Variants in RASAL1 observed in about 807,000 individuals in gnomAD.
RASAL1 encodes RAS protein activator like 1, also known as rasGAP-activating-like protein 1.
RASAL1 carries 72 observed loss-of-function variants against 96.6 expected under a neutral mutation model. The observed-to-expected ratio is 0.75, with a 90% CI of 0.62 to 0.91. The LOEUF is 0.91. Among genes scored for constraint, RASAL1 ranks in the 40% least tolerant of loss-of-function variants. The pLI, the probability that RASAL1 is intolerant of heterozygous loss-of-function variation, is 0.00. For missense variants in RASAL1, 1,016 were observed against 1,072.5 expected (o/e 0.95, Z 0.74); for synonymous variants, 405 against 430.4 (o/e 0.94, Z 0.73).
chr12:113,130,999 G>T lies in RASAL1; in HGVS notation c.66-58C>A. On this transcript the variant is annotated intron_variant, in intron 1 of 20. Coordinates refer to ENST00000548055, the MANE Select transcript of RASAL1 (RefSeq NM_001301202.2). This position sits in a 1 kb window ranked among gnomAD's most constrained non-coding sequence, Gnocchi z 5.1. Reference sequence around the variant, plus strand: ...GTTGAGAGGGCAGCCATGAGTGGAGGGTCCCAGTCATGACACAGGCAGGGG... The same window carrying T: ...GTTGAGAGGGCAGCCATGAGTGGAGTGTCCCAGTCATGACACAGGCAGGGG... The T allele has an allele frequency of 7.3e-7, 1 of 1,367,870 alleles. No individual in the cohort carries two copies. Among genetic ancestry groups the T allele is most frequent in the Non-Finnish European group, 1.0e-6 (1 of 964,510 alleles). 84.7% of individuals were successfully genotyped at this position (1,367,870 alleles called of 1,614,324 possible). A position where few individuals can be genotyped will look rare whatever the true frequency, so the allele number is the denominator to read the frequency against.
intron 4 of RASAL1, among the ~76,000 whole-genome samples, chr12:113,126,350 C>T (rs904973472): frequency 1.3e-5 from 2 of 151,920 alleles, no homozygotes; most frequent in Admixed American, 1.3e-4. Flanking sequence ...GTGTAAAAGG[C>T]TGCAATTTGT....
chr12:113,110,012 G>T (rs1950811185), intron 13 of RASAL1, among the ~76,000 whole-genome samples: 1 of 152,214 alleles, frequency 6.6e-6, no homozygotes, highest in Non-Finnish European at 1.5e-5. Flanking sequence ...GGACACTTGG[G>T]TGTCACTGAT....
chr12:113,108,012 T>C, intron 14 of RASAL1, 73 bp downstream of exon 14: 1 of 1,512,628 alleles, frequency 6.6e-7, no homozygotes, highest in Non-Finnish European at 8.8e-7. Context: ...GGGTCTGGCC[T>C]CCCAGCTCTG....
At chr12:113,104,335 G>A in intron 16 of RASAL1, 37 bp from the exon 17 acceptor site, 4 of 1,532,778 alleles carry the variant, frequency 2.6e-6, no homozygotes, top group Non-Finnish European at 3.5e-6. Flanking sequence ...ATGGGCTGGG[G>A]GCTAGGGCCG....
chr12:113,117,268 G>C (rs1435744439), intron 7 of RASAL1, 107 bp from the exon 8 acceptor site: 15 of 763,240 alleles, frequency 2.0e-5, no homozygotes, highest in Non-Finnish European at 2.9e-5. Flanking sequence ...CCCACAGAGG[G>C]GCAGAATGGC....
Position 113,110,744 on chromosome 12 carries a change from C to T in RASAL1, c.1374+1342G>A, listed in dbSNP as rs1189117555. Reference sequence around the variant, plus strand: ...AGACCCTCTGGGCAACACAGTGAGACCCTGTCTCTAGAAAAATAAATAATT... The same window carrying T: ...AGACCCTCTGGGCAACACAGTGAGATCCTGTCTCTAGAAAAATAAATAATT... On this transcript the variant is annotated intron_variant, in intron 13 of 20. Coordinates refer to ENST00000548055, the MANE Select transcript of RASAL1 (RefSeq NM_001301202.2). 2.0e-4 allele frequency among the ~76,000 whole-genome samples: 30 copies of T among 152,038 alleles called. 1 individual carries two copies. The highest frequency in any genetic ancestry group is 2.0e-3 in the Admixed American group (30 of 15,244).
In RASAL1 at chr12:113,108,183, G is replaced by T. The variant is rs145374624; in HGVS notation, c.1414C>A (p.Arg472=). 2.5e-6 allele frequency: 4 copies of T among 1,613,244 alleles called. No individual in the cohort carries two copies. The highest frequency in any genetic ancestry group is 3.4e-6 in the Non-Finnish European group (4 of 1,179,670). Residue 472 remains arginine (R), a synonymous_variant, in exon 14 of 21, where the codon CGA becomes AGA. Transcript: ENST00000548055. The part of the protein sequence containing the change: ...YLAISGFLFL[R]FFAPAILTPK... The stretch of plus-strand genomic sequence containing the variant: ...GTAAGGATGGCAGGTGCGAAGAATC[G>T]CAAGAAGAGAAATCCACTGATGGCC...
chr12:113,121,285 G>A (rs373404308), intron 5 of RASAL1, among the ~76,000 whole-genome samples: 1 of 152,220 alleles, frequency 6.6e-6, no homozygotes, highest in Admixed American at 6.5e-5. Flanking sequence ...GTCATCCTGA[G>A]TGTCTGGTCT....
intron 4 of RASAL1, among the ~76,000 whole-genome samples, chr12:113,123,071 A>G (rs189519275): frequency 5.1e-4 from 78 of 152,256 alleles, no homozygotes; most frequent in Non-Finnish European, 1.0e-3. Flanking sequence ...AATTATACTT[A>G]CCTCTAAAAG....
intron 16 of RASAL1, 26 bp downstream of exon 16, chr12:113,105,688 C>T (rs1311784804): frequency 6.4e-7 from 1 of 1,567,196 alleles, no homozygotes. Flanking sequence ...CCCTGGAAAG[C>T]CCTCCATAGT....
chr12:113,109,363 T>C (rs1038881293), intron 13 of RASAL1, among the ~76,000 whole-genome samples: 1 of 152,206 alleles, frequency 6.6e-6, no homozygotes, highest in African/African-American at 2.4e-5. Context: ...GGCTCAGTAG[T>C]GAACCCAGTC....
chr12:113,103,911 G>T, intron 18 of RASAL1, 35 bp downstream of exon 18: 4 of 1,543,560 alleles, frequency 2.6e-6, no homozygotes, highest in Non-Finnish European at 3.5e-6. Flanking sequence ...GACGGGTGGG[G>T]AGGGCGGAGC....
chr12:113,122,441 A>G (rs1297927546), intron 4 of RASAL1, among the ~76,000 whole-genome samples: 3 of 152,184 alleles, frequency 2.0e-5, no homozygotes, highest in Non-Finnish European at 4.4e-5. Flanking sequence ...CTCCTGCCTC[A>G]GCCTCCCCAG....
chr12:113,123,994 C>G (rs1951392861), intron 4 of RASAL1, among the ~76,000 whole-genome samples: 1 of 151,902 alleles, frequency 6.6e-6, no homozygotes, highest in African/African-American at 2.4e-5. Flanking sequence ...CCAAGGTGAG[C>G]TGATCACCTG....
At chr12:113,127,733 C>A in intron 4 of RASAL1, 79 bp downstream of exon 4, 1 of 1,222,016 alleles carries the variant, frequency 8.2e-7, no homozygotes, top group Non-Finnish European at 1.2e-6. Context: ...CTGTGCTTCA[C>A]CGTGCCATGT....
At chr12:113,124,659 C>A (rs1951418212) in intron 4 of RASAL1, among the ~76,000 whole-genome samples, 1 of 152,180 alleles carries the variant, frequency 6.6e-6, no homozygotes, top group African/African-American at 2.4e-5. Context: ...GGGAAGTCAC[C>A]TCCCCTCTCT....
At chr12:113,119,823 C>T (rs926206739) in intron 5 of RASAL1, among the ~76,000 whole-genome samples, 11 of 152,260 alleles carry the variant, frequency 7.2e-5, no homozygotes, top group African/African-American at 9.6e-5. Flanking sequence ...CATTGGCTAG[C>T]GGACACTAGG....
At chr12:113,104,403 G>A in intron 16 of RASAL1, 105 bp from the exon 17 acceptor site, 1 of 1,185,186 alleles carries the variant, frequency 8.4e-7, no homozygotes, top group African/African-American at 1.5e-5. Context: ...TCCCAGCGGC[G>A]GGACATTCAA....
At chr12:113,108,562 A>C (rs905038283) in intron 13 of RASAL1, among the ~76,000 whole-genome samples, 1 of 152,224 alleles carries the variant, frequency 6.6e-6, no homozygotes, top group South Asian at 2.1e-4. Flanking sequence ...AGAGACATCA[A>C]GCGATTTGCC....
Sources: allele counts gnomAD v4.1 joint callset (sites outside exome capture counted in the v4.1 genomes callset), GRCh38; gene constraint gnomAD v4.1.1; non-coding constraint Gnocchi (gnomAD v3.1); transcripts MANE v1.5; gene names NCBI Gene and HGNC (gene_info 2026-07-23, HGNC 2026-07-21).